SLC24A2: variants seen among roughly 807,000 people sequenced by gnomAD.
The protein encoded by SLC24A2 is sodium/potassium/calcium exchanger 2.
SLC24A2 carries 36 observed loss-of-function variants against 62.0 expected under a neutral mutation model. The ratio of observed to expected loss-of-function variants is 0.58; its 90% CI spans 0.44 to 0.77. The LOEUF is 0.77. SLC24A2 is among the 30% of genes least tolerant of loss of function. The pLI, the probability that SLC24A2 is intolerant of heterozygous loss-of-function variation, is 0.00. For synonymous variants in SLC24A2, 358 were observed against 294.0 expected, an observed-to-expected ratio of 1.22 and a Z score of -2.23; for missense variants, 846 against 817.9, an observed-to-expected ratio of 1.03 and a Z score of -0.42.
chr9:19,948,617 G>T, the SLC24A2 span, among the ~76,000 whole-genome samples: 1 of 152,162 alleles, frequency 6.6e-6, no homozygotes, highest in South Asian at 2.1e-4. Flanking sequence ...CAGCACTTTG[G>T]GAGGCCGAGG....
chr9:19,994,906 T>G, the SLC24A2 span, among the ~76,000 whole-genome samples: 8 of 152,198 alleles, frequency 5.3e-5, no homozygotes, highest in Admixed American at 5.2e-4. Context: ...GGGTGGGATT[T>G]GAGAAGTCTG....
At chr9:19,811,269 A>C in the SLC24A2 span, among the ~76,000 whole-genome samples, 1 of 152,222 alleles carries the variant, frequency 6.6e-6, no homozygotes, top group Non-Finnish European at 1.5e-5. Flanking sequence ...CCCTGATCTC[A>C]GACTTCCAGC....
the SLC24A2 span, among the ~76,000 whole-genome samples, chr9:19,810,206 G>C: frequency 6.6e-6 from 1 of 152,160 alleles, no homozygotes; most frequent in Non-Finnish European, 1.5e-5. Flanking sequence ...AGCTCCCCGA[G>C]GAGCACCTGT....
the SLC24A2 span, among the ~76,000 whole-genome samples, chr9:20,227,445 G>A: frequency 6.6e-6 from 1 of 151,290 alleles, no homozygotes; most frequent in African/African-American, 2.4e-5. Flanking sequence ...ACCATGTGAG[G>A]TGAAGGTCTC....
chr9:19,852,559 C>G, the SLC24A2 span, among the ~76,000 whole-genome samples: 3 of 152,152 alleles, frequency 2.0e-5, no homozygotes, highest in African/African-American at 7.2e-5. Context: ...TCTCCCAGAA[C>G]CATTTATTAA....
the SLC24A2 span, among the ~76,000 whole-genome samples, chr9:19,804,546 G>A: frequency 1.3e-5 from 2 of 152,132 alleles, no homozygotes; most frequent in African/African-American, 4.8e-5. Context: ...TAGCTTTTGG[G>A]GGAGTCCTTA....
Position 19,509,860 on chromosome 9 carries a change from A to T in SLC24A2, c.*6293T>A, listed in dbSNP as rs1410745910. On this transcript the variant is annotated 3_prime_UTR_variant, in exon 11 of 11. Coordinates refer to ENST00000341998, the MANE Select transcript of SLC24A2 (RefSeq NM_020344.4). ...CAACCCAATATGTAAGAATGCAGAA[A>T]CAAATTCCCATCCTTTTGGTGAACC... 1 of 152,148 alleles carries T rather than the reference A, an allele frequency of 6.6e-6. No homozygotes were observed. The highest frequency in any genetic ancestry group is 1.5e-5 in the Non-Finnish European group (1 of 68,042). 9.4% of individuals were successfully genotyped at this position (152,148 alleles called of 1,614,324 possible).
chr9:20,304,562 C>T, the SLC24A2 span, among the ~76,000 whole-genome samples: 1 of 152,032 alleles, frequency 6.6e-6, no homozygotes, highest in African/African-American at 2.4e-5. Context: ...CAGAAAGGTA[C>T]AAAGTTAAAG....
At chr9:20,129,928 T>TACACACACACACACACAC in the SLC24A2 span, among the ~76,000 whole-genome samples, 3,151 of 141,830 alleles carry the variant, frequency 0.022, 64 homozygotes, top group Non-Finnish European at 0.034. Context: ...TATAATTTAC[T>TACACACACACACACACAC]ACACACACAC....
chr9:20,254,848 A>C, the SLC24A2 span, among the ~76,000 whole-genome samples: 1 of 152,214 alleles, frequency 6.6e-6, no homozygotes, highest in Non-Finnish European at 1.5e-5. Context: ...GGGAGGCCTC[A>C]CAGTCCTGGC....
At chr9:20,162,511 C>A in the SLC24A2 span, among the ~76,000 whole-genome samples, 2 of 152,072 alleles carry the variant, frequency 1.3e-5, no homozygotes, top group Admixed American at 1.3e-4. Flanking sequence ...CAAAAAGAGT[C>A]CAGGACCAGA....
At chr9:20,277,679 C>T in the SLC24A2 span, among the ~76,000 whole-genome samples, 11 of 152,258 alleles carry the variant, frequency 7.2e-5, no homozygotes, top group East Asian at 1.9e-4. Flanking sequence ...GACAGTGTGG[C>T]GATTCCTCAG....
the SLC24A2 span, among the ~76,000 whole-genome samples, chr9:20,006,830 T>C: frequency 1.3e-5 from 2 of 152,176 alleles, no homozygotes; most frequent in African/African-American, 4.8e-5. Flanking sequence ...CAACTGTGTG[T>C]TCCTGTGTAA....
chr9:19,771,252 G>A (rs947642300), intron 2 of SLC24A2, among the ~76,000 whole-genome samples: 1 of 152,168 alleles, frequency 6.6e-6, no homozygotes, highest in Admixed American at 6.5e-5. Context: ...GGCATGTGGT[G>A]TTATTTCCCA....
the SLC24A2 span, among the ~76,000 whole-genome samples, chr9:19,823,694 T>C: frequency 6.6e-6 from 1 of 151,766 alleles, no homozygotes; most frequent in Non-Finnish European, 1.5e-5. Flanking sequence ...GAGAGTGGTA[T>C]GCTGAGCCCA....
the SLC24A2 span, among the ~76,000 whole-genome samples, chr9:20,004,632 G>A: frequency 6.6e-6 from 1 of 152,100 alleles, no homozygotes; most frequent in Admixed American, 6.6e-5. Context: ...ATTTAAATTT[G>A]TTGAGCTGGA....
chr9:20,123,924 C>G, the SLC24A2 span, among the ~76,000 whole-genome samples: 1 of 152,144 alleles, frequency 6.6e-6, no homozygotes, highest in East Asian at 1.9e-4. Context: ...ATAGTGCTCA[C>G]TAGCATTTTG....
At chr9:19,971,041 A>G in the SLC24A2 span, among the ~76,000 whole-genome samples, 1 of 152,192 alleles carries the variant, frequency 6.6e-6, no homozygotes, top group African/African-American at 2.4e-5. Context: ...GGATACTAAC[A>G]AATGTGGGGC....
the SLC24A2 span, among the ~76,000 whole-genome samples, chr9:19,900,345 T>C: frequency 1.1e-4 from 16 of 152,170 alleles, no homozygotes; most frequent in Non-Finnish European, 2.4e-4. Context: ...GGAAAGATAG[T>C]AAAAAATACT....
Sources: gnomAD v4.1 joint callset for allele counts (sites outside exome capture counted in the v4.1 genomes callset) on GRCh38, gnomAD v4.1.1 for gene constraint, MANE v1.5 for transcripts, NCBI Gene and HGNC (gene_info 2026-07-23, HGNC 2026-07-21) for gene names.